Variants in CNTN4 observed in about 807,000 individuals in gnomAD.
CNTN4 encodes the protein contactin 4.
A neutral mutation model predicts 122.5 loss-of-function variants in CNTN4; 77 were observed. The observed-to-expected ratio is 0.63, with a 90% CI of 0.52 to 0.76. CNTN4 has a LOEUF of 0.76. Ranked by LOEUF, CNTN4 falls within the 30% of genes least tolerant of loss-of-function variation. The pLI, the probability that CNTN4 is intolerant of heterozygous loss-of-function variation, is 0.00. For synonymous variants in CNTN4, 512 were observed against 447.0 expected (o/e 1.15, Z -1.83); for missense variants, 1,256 against 1,259.1 (o/e 1.00, Z 0.04).
At chr3:2,117,429 TC>T (rs956465164) in intron 2 of CNTN4, among the ~76,000 whole-genome samples, 21 of 152,172 alleles carry the variant, frequency 1.4e-4, no homozygotes, top group African/African-American at 4.8e-4. Flanking sequence ...ACGCTGTCCT[TC>T]TGCATTTTTC....
intron 4 of CNTN4, among the ~76,000 whole-genome samples, chr3:2,692,377 C>T (rs1474663555): frequency 1.3e-5 from 2 of 152,066 alleles, no homozygotes; most frequent in Non-Finnish European, 2.9e-5. Context: ...CCTTTTCCTG[C>T]CAGCCTACTT....
chr3:2,537,374 C>A (rs1261095985), intron 3 of CNTN4, among the ~76,000 whole-genome samples: 1 of 152,008 alleles, frequency 6.6e-6, no homozygotes, highest in Non-Finnish European at 1.5e-5. Flanking sequence ...AAATTTAAGG[C>A]TTCAGCATCC....
intron 3 of CNTN4, among the ~76,000 whole-genome samples, chr3:2,454,081 C>T (rs896831221): frequency 4.4e-5 from 5 of 114,402 alleles, no homozygotes; most frequent in African/African-American, 1.4e-4. Context: ...ACCTGAGGCT[C>T]GAAGAAGCTA....
In CNTN4 at chr3:2,385,398, T is replaced by A. The variant is rs1004148169; in HGVS notation, c.-89+46165T>A. 2.0e-5 allele frequency among the ~76,000 whole-genome samples: 3 copies of A among 152,124 alleles called. No individual in the cohort carries two copies. Among genetic ancestry groups the A allele is most frequent in the Non-Finnish European group, 2.9e-5 (2 of 68,040 alleles). ...TTAAGGCAGAGTCTTTGTCCTTTTC[T>A]CCACTATTACCTGAGCAATATTCCT... On this transcript the variant is annotated intron_variant, in intron 3 of 24. Coordinates refer to ENST00000418658, the MANE Select transcript of CNTN4 (RefSeq NM_175607.3). This position sits in a 1 kb window ranked among gnomAD's most constrained non-coding sequence, Gnocchi z 4.0.
intron 7 of CNTN4, among the ~76,000 whole-genome samples, chr3:2,862,212 T>C (rs1281838549): frequency 1.3e-5 from 2 of 152,216 alleles, no homozygotes; most frequent in African/African-American, 4.8e-5. Context: ...CGAAGCATAA[T>C]ATAGCTCTAG....
intron 4 of CNTN4, among the ~76,000 whole-genome samples, chr3:2,597,011 C>T (rs1430637686): frequency 6.6e-6 from 1 of 151,918 alleles, no homozygotes; most frequent in Admixed American, 6.6e-5. Flanking sequence ...CCCATATAAA[C>T]TCAGAAACCC....
chr3:2,227,886 T>C (rs948685524), intron 2 of CNTN4, among the ~76,000 whole-genome samples: 1 of 152,114 alleles, frequency 6.6e-6, no homozygotes, highest in Non-Finnish European at 1.5e-5. Flanking sequence ...GTAAGGAAAA[T>C]AAGCAATATG....
intron 22 of CNTN4, 71 bp downstream of exon 22, chr3:3,043,234 A>G (rs1282713086): frequency 2.2e-6 from 3 of 1,383,814 alleles, no homozygotes; most frequent in African/African-American, 1.4e-5. Flanking sequence ...CCTTATCCCC[A>G]CCTCCCAATG....
At chr3:2,233,958 C>G (rs1265582446) in intron 2 of CNTN4, among the ~76,000 whole-genome samples, 1 of 151,968 alleles carries the variant, frequency 6.6e-6, no homozygotes, top group Non-Finnish European at 1.5e-5. Flanking sequence ...CTACTTTATG[C>G]AATTAGTATT....
chr3:2,662,679 G>A (rs918752046), intron 4 of CNTN4, among the ~76,000 whole-genome samples: 1 of 152,146 alleles, frequency 6.6e-6, no homozygotes, highest in South Asian at 2.1e-4. Context: ...AAGGTATAGG[G>A]ACCTTCCAGG....
At chr3:3,016,052 A>G (rs1218054204) in intron 14 of CNTN4, among the ~76,000 whole-genome samples, 1 of 152,188 alleles carries the variant, frequency 6.6e-6, no homozygotes, top group East Asian at 1.9e-4. Flanking sequence ...ATAAACAGAA[A>G]ACATTCTAAT....
rs377280024 is a variant in CNTN4 at position 2,654,750 on chromosome 3, C to G, written c.56-81465C>G. 1.3e-4 allele frequency among the ~76,000 whole-genome samples: 20 copies of G among 152,284 alleles called. No homozygotes were observed. The East Asian group carries it at 2.1e-3, about 16-fold the overall frequency. ...TTTTTCCCCCCAGTCCTTTCTTACC[C>G]TAGCAAATACAGTTAGGAGTCCTGG... On this transcript the variant is annotated intron_variant, in intron 4 of 24. Transcript: ENST00000418658.
rs35316929 is a variant in CNTN4, at chr3:2,632,064, G to GCACACACA, written c.55+60520_55+60527dup. The stretch of plus-strand genomic sequence containing the variant: ...AGACCCTGTCTCAAAATACACATAC[G>GCACACACA]CACACACACACACACACACACGTGT... On this transcript the variant is annotated intron_variant, in intron 4 of 24. Coordinates refer to ENST00000418658, the MANE Select transcript of CNTN4 (RefSeq NM_175607.3). Among the ~76,000 whole-genome samples the GCACACACA allele has an allele frequency of 4.6e-3, 663 of 143,996 alleles. 6 individuals are homozygous for GCACACACA. The highest frequency in any genetic ancestry group is 0.016 in the African/African-American group (630 of 39,596). The allele number at this position is 143,996 out of a possible 152,430, so 94.5% of individuals were successfully genotyped here.
chr3:2,584,820 G>T (rs1472489089), intron 4 of CNTN4, among the ~76,000 whole-genome samples: 1 of 150,718 alleles, frequency 6.6e-6, no homozygotes, highest in Non-Finnish European at 1.5e-5. Context: ...TGCCTATTTT[G>T]TTTAATTATA....
At chr3:2,140,731 A>G (rs2034951029) in intron 2 of CNTN4, among the ~76,000 whole-genome samples, 1 of 152,214 alleles carries the variant, frequency 6.6e-6, no homozygotes, top group Non-Finnish European at 1.5e-5. Context: ...AGGTATATGT[A>G]AAAGCATGGC....
At chr3:2,905,047 AT>A (rs376105470) in intron 12 of CNTN4, among the ~76,000 whole-genome samples, 401 of 152,342 alleles carry the variant, frequency 2.6e-3, no homozygotes, top group African/African-American at 9.1e-3. Flanking sequence ...ATGTGTACGC[AT>A]AATGGCTTAA....
intron 13 of CNTN4, among the ~76,000 whole-genome samples, chr3:2,945,802 G>A (rs981564014): frequency 2.0e-5 from 3 of 152,176 alleles, no homozygotes; most frequent in African/African-American, 7.2e-5. Flanking sequence ...CATGGCCATT[G>A]CCTAGAGGAT....
intron 4 of CNTN4, among the ~76,000 whole-genome samples, chr3:2,672,484 G>A (rs1484835586): frequency 1.3e-5 from 2 of 152,216 alleles, no homozygotes; most frequent in African/African-American, 4.8e-5. Context: ...TAGGGTGGGA[G>A]TGACCCGATT....
At chr3:2,793,618 T>C (rs1482582793) in intron 6 of CNTN4, among the ~76,000 whole-genome samples, 1 of 152,190 alleles carries the variant, frequency 6.6e-6, no homozygotes, top group African/African-American at 2.4e-5. Context: ...TTTGATAGTA[T>C]CATTTCTTAA....
Sources: allele counts gnomAD v4.1 joint callset (sites outside exome capture counted in the v4.1 genomes callset), GRCh38; gene constraint gnomAD v4.1.1; non-coding constraint Gnocchi (gnomAD v3.1); transcripts MANE v1.5; gene names NCBI Gene and HGNC (gene_info 2026-07-23, HGNC 2026-07-21).